The following C8orf34 variants were observed in gnomAD, a reference collection of about 807,000 sequenced individuals.
C8orf34 encodes chromosome 8 open reading frame 34.
A neutral mutation model predicts 68.3 loss-of-function variants in C8orf34; 65 were observed. The ratio of observed to expected loss-of-function variants is 0.95; its 90% CI spans 0.78 to 1.17. The LOEUF is 1.17. C8orf34 is among the 50% of genes most tolerant of loss of function. The pLI, the probability that C8orf34 is intolerant of heterozygous loss-of-function variation, is 0.00. For missense variants in C8orf34, 664 were observed against 655.4 expected (o/e 1.01, Z -0.14); for synonymous variants, 244 against 241.2 (o/e 1.01, Z -0.11).
chr8:68,404,156 T>C (rs1809084685), intron 1 of C8orf34, among the ~76,000 whole-genome samples: 1 of 152,240 alleles, frequency 6.6e-6, no homozygotes, highest in Non-Finnish European at 1.5e-5. Flanking sequence ...ATATGTTTGT[T>C]GGCCGTATAA....
intron 1 of C8orf34, among the ~76,000 whole-genome samples, chr8:68,398,712 C>G (rs557049266): frequency 1.2e-4 from 19 of 152,244 alleles, no homozygotes; most frequent in Admixed American, 2.6e-4. Flanking sequence ...AACTCAGCCT[C>G]CTTATCAAAG....
intron 6 of C8orf34, among the ~76,000 whole-genome samples, chr8:68,527,794 A>C (rs1006045254): frequency 1.3e-5 from 2 of 152,108 alleles, no homozygotes; most frequent in African/African-American, 2.4e-5. Context: ...CGGAACCCTA[A>C]GTGCTCTTAG....
chr8:68,470,725 A>G (rs1366594324), intron 4 of C8orf34, among the ~76,000 whole-genome samples: 1 of 152,020 alleles, frequency 6.6e-6, no homozygotes, highest in East Asian at 1.9e-4. Context: ...GGTTCCACAG[A>G]TTGTATATCC....
chr8:68,469,932 TTGTGTG>T (rs34106520), intron 4 of C8orf34, among the ~76,000 whole-genome samples: 11 of 149,072 alleles, frequency 7.4e-5, no homozygotes, highest in South Asian at 2.1e-4. Context: ...ATTTGGTATT[TTGTGTG>T]TGTGTGTGTG....
chr8:68,537,319 C>G (rs142745672), intron 7 of C8orf34, among the ~76,000 whole-genome samples: 5,651 of 151,860 alleles, frequency 0.037, 135 homozygotes, highest in Middle Eastern at 0.068. Flanking sequence ...TACATAGAAA[C>G]TCTTTTTATC....
chr8:68,334,853 A>G (rs814449), intron 1 of C8orf34, among the ~76,000 whole-genome samples: 93,644 of 152,046 alleles, frequency 0.62, 30,387 homozygotes, highest in African/African-American at 0.84. Flanking sequence ...CAAACTTATG[A>G]TCAAAGCCTG....
chr8:68,500,009 C>T (rs1813697477), intron 5 of C8orf34, among the ~76,000 whole-genome samples: 1 of 152,146 alleles, frequency 6.6e-6, no homozygotes, highest in Admixed American at 6.5e-5. Flanking sequence ...CCATCCTCCT[C>T]ACTCTCTTTC....
intron 3 of C8orf34, among the ~76,000 whole-genome samples, chr8:68,453,346 G>A (rs575711881): frequency 7.2e-5 from 11 of 152,120 alleles, no homozygotes; most frequent in African/African-American, 1.4e-4. Context: ...TAGGAAATGC[G>A]TTGAATCTGT....
At position 68,773,232 on chromosome 8, in the gene C8orf34, T is replaced by A. The variant is rs149129111; in HGVS notation, c.1405-3167T>A. Among the ~76,000 whole-genome samples, 17 of 152,178 alleles carry A rather than the reference T, an allele frequency of 1.1e-4. No homozygotes were observed. The East Asian group carries it at 2.7e-3, about 24-fold the overall frequency. On this transcript the variant is annotated intron_variant, in intron 10 of 13. Coordinates refer to ENST00000518698, the MANE Select transcript of C8orf34 (RefSeq NM_052958.4). ...TTGGAAATGGGGAACCCGAGATAGA[T>A]GTATTGGATCAAGCCTCTTGACTTG...
At chr8:68,673,666 C>T (rs1820089303) in intron 8 of C8orf34, among the ~76,000 whole-genome samples, 1 of 152,156 alleles carries the variant, frequency 6.6e-6, no homozygotes, top group African/African-American at 2.4e-5. Context: ...GGCTCTGGCT[C>T]CTAGAAAACA....
At chr8:68,735,355 T>G (rs1277107274) in intron 10 of C8orf34, among the ~76,000 whole-genome samples, 3 of 152,232 alleles carry the variant, frequency 2.0e-5, no homozygotes, top group African/African-American at 7.2e-5. Context: ...TTCTGAAATT[T>G]CAATGTTTAT....
chr8:68,761,048 G>A (rs112750532), intron 10 of C8orf34, among the ~76,000 whole-genome samples: 2 of 152,136 alleles, frequency 1.3e-5, no homozygotes, highest in South Asian at 2.1e-4. Flanking sequence ...GTCTATAGCC[G>A]GTACTGGATA....
chr8:68,611,024 C>T (rs1047627385), intron 7 of C8orf34, among the ~76,000 whole-genome samples: 17 of 152,008 alleles, frequency 1.1e-4, no homozygotes, highest in Admixed American at 3.3e-4. Context: ...GCCATCACCA[C>T]GCCCAGCTAA....
At chr8:68,356,364 A>G (rs1375343921) in intron 1 of C8orf34, among the ~76,000 whole-genome samples, 2 of 152,232 alleles carry the variant, frequency 1.3e-5, no homozygotes, top group Admixed American at 6.5e-5. Context: ...TGGGTACTAT[A>G]TTATCTACCG....
At chr8:68,792,822 A>G (rs1824049194) in intron 12 of C8orf34, among the ~76,000 whole-genome samples, 1 of 151,920 alleles carries the variant, frequency 6.6e-6, no homozygotes, top group African/African-American at 2.4e-5. Flanking sequence ...TAAAAAATAT[A>G]AAGAGATGGA....
At chr8:68,625,697 G>T (rs1818520518) in intron 7 of C8orf34, 1 of 665,384 alleles carries the variant, frequency 1.5e-6, no homozygotes, top group Admixed American at 2.2e-5. Flanking sequence ...CACCACAAGG[G>T]AGTGTGAGTT....
intron 10 of C8orf34, among the ~76,000 whole-genome samples, chr8:68,773,672 C>T (rs1207328359): frequency 3.3e-5 from 5 of 152,180 alleles, no homozygotes; most frequent in Admixed American, 2.6e-4. Flanking sequence ...AGGTGTGAGC[C>T]GCCACACCGG....
intron 9 of C8orf34, among the ~76,000 whole-genome samples, chr8:68,720,608 A>C (rs936818806): frequency 2.0e-5 from 3 of 150,708 alleles, no homozygotes; most frequent in Non-Finnish European, 3.0e-5. Context: ...TTTTTTTTTT[A>C]ATTTGAAAAG....
At chr8:68,525,775 G>A in intron 6 of C8orf34, 1 of 555,264 alleles carries the variant, frequency 1.8e-6, no homozygotes, top group Non-Finnish European at 3.4e-6. Flanking sequence ...CACCAGTGTA[G>A]CCATGCTTCA....
Sources: allele counts gnomAD v4.1 joint callset (sites outside exome capture counted in the v4.1 genomes callset), GRCh38; gene constraint gnomAD v4.1.1; transcripts MANE v1.5; gene names NCBI Gene and HGNC (gene_info 2026-07-23, HGNC 2026-07-21).